EPHA10: variants seen among roughly 807,000 people sequenced by gnomAD.
EPHA10 encodes ephrin type-A receptor 10.
A neutral mutation model predicts 109.7 loss-of-function variants in EPHA10; 120 were observed. The observed-to-expected ratio is 1.09, with a 90% CI of 0.94 to 1.27. The LOEUF (loss-of-function observed/expected upper bound fraction) is 1.27, where lower values mean the gene tolerates loss of function less well. Among genes scored for constraint, EPHA10 ranks in the 50% most tolerant of loss-of-function variants. EPHA10 has a pLI of 0.00. For synonymous variants in EPHA10, 640 were observed against 618.9 expected (o/e 1.03, Z -0.51); for missense variants, 1,396 against 1,411.1 (o/e 0.99, Z 0.17).
chr1:37,762,136 G>C, intron 2 of EPHA10, 53 bp from the exon 3 acceptor site: 1 of 1,505,020 alleles, frequency 6.6e-7, no homozygotes, highest in Non-Finnish European at 8.9e-7. Context: ...GCTTCCAGGA[G>C]GTGGAGCGCT....
intron 3 of EPHA10, chr1:37,761,089 T>TTA: frequency 1.1e-6 from 1 of 912,532 alleles, no homozygotes; most frequent in Non-Finnish European, 1.4e-6. Flanking sequence ...CTCCTTATTT[T>TTA]AAAAAAAAAA....
intron 3 of EPHA10, among the ~76,000 whole-genome samples, chr1:37,755,019 C>T (rs1198340771): frequency 1.2e-4 from 19 of 152,164 alleles, no homozygotes; most frequent in African/African-American, 3.4e-4. Flanking sequence ...AGGCTGGTCT[C>T]GAACTCCTGG....
intron 10 of EPHA10, chr1:37,722,746 C>A (rs919407202): frequency 1.9e-6 from 1 of 515,638 alleles, no homozygotes; most frequent in African/African-American, 1.9e-5. Context: ...AAGGCCCCTC[C>A]CCACTGCCCC....
In EPHA10 at chr1:37,754,353, A is replaced by G. The variant is rs1386131313; in HGVS notation, c.868T>C (p.Tyr290His). The G allele has an allele frequency of 2.3e-6, 3 of 1,304,390 alleles. No homozygotes were observed. Among genetic ancestry groups the G allele is most frequent in the Non-Finnish European group, 2.9e-6 (3 of 1,020,620 alleles). The allele number at this position is 1,304,390 out of a possible 1,614,324, so 80.8% of individuals were successfully genotyped here. Reference protein sequence around the residue: ...DFCEACPPGFYKVSPRRPLCS... With the variant: ...DFCEACPPGFHKVSPRRPLCS... ...AGGGGCCGCCGCGGGGACACCTTGT[A>G]AAACCCTGGGGGACAGGCTGCAGGG... Residue 290 changes from tyrosine (Y) to histidine (H), a missense_variant, in exon 4 of 17, where the codon TAC (tyrosine) becomes CAC (histidine). By Grantham distance (83) the Tyr-to-His change is moderately conservative. Coordinates refer to ENST00000373048, the MANE Select transcript of EPHA10 (RefSeq NM_001099439.2). This position sits in a 1 kb window ranked among gnomAD's most constrained non-coding sequence, Gnocchi z 4.5.
chr1:37,720,116 AC>A (rs1159963027), intron 13 of EPHA10, 58 bp from the exon 14 acceptor site: 3 of 1,596,336 alleles, frequency 1.9e-6, no homozygotes, highest in Non-Finnish European at 2.6e-6. Context: ...AGGTTTCCCC[AC>A]CCCACTGAGC....
chr1:37,749,900 A>C (rs1646297256), intron 5 of EPHA10, among the ~76,000 whole-genome samples: 1 of 152,200 alleles, frequency 6.6e-6, no homozygotes, highest in South Asian at 2.1e-4. Flanking sequence ...ACTGTACTGA[A>C]TACTACAGGC....
intron 10 of EPHA10, chr1:37,722,328 G>A (rs773125104): frequency 3.5e-5 from 8 of 226,244 alleles, no homozygotes; most frequent in Admixed American, 1.0e-4. Context: ...ATGCCAGCAC[G>A]CCGACTGCCA....
rs777640555 is a variant in EPHA10, at chr1:37,731,502, G to A, written c.1572C>T (p.Arg524=). 22 of 1,614,146 alleles carry A rather than the reference G, an allele frequency of 1.4e-5. No homozygotes were observed. Among genetic ancestry groups the A allele is most frequent in the Non-Finnish European group, 1.9e-5 (22 of 1,180,012 alleles). ...VTVTNLKPAT[R]YVFQIRAASP... is the part of the protein sequence containing the mutation. The stretch of plus-strand genomic sequence containing the variant: ...AAGCGGCCCGGATCTGAAAGACGTA[G>A]CGGGTAGCCGGCTTCAGGTTGGTGA... Residue 524 remains arginine, a synonymous_variant, in exon 7 of 17, where the codon CGC becomes CGT. Coordinates refer to ENST00000373048, the MANE Select transcript of EPHA10 (RefSeq NM_001099439.2).
At chr1:37,760,327 A>T in intron 3 of EPHA10, 1 of 1,046,440 alleles carries the variant, frequency 9.6e-7, no homozygotes, top group Non-Finnish European at 1.2e-6. Context: ...TAATAACCCC[A>T]TCATCACCCT....
chr1:37,719,937 C>T lies in EPHA10; in HGVS notation c.2534G>A (p.Arg845Gln), dbSNP rs777738447. ...IMWEVMAFGERPYWDMSGQDV... is the reference protein window; with the variant it reads ...IMWEVMAFGEQPYWDMSGQDV... ...TTGGCCAGACATGTCCCAGTAAGGC[C>T]GCTCCCCAAAGGCCATCACCTCCCA... The change falls in exon 14 of 17, where the codon CGG (arginine) becomes CAG (glutamine). Residue 845 changes from arginine (R) to glutamine (Q), a missense_variant. Coordinates refer to ENST00000373048, the MANE Select transcript of EPHA10 (RefSeq NM_001099439.2). The T allele has an allele frequency of 1.2e-5, 20 of 1,613,936 alleles. No homozygotes were observed. Among genetic ancestry groups the T allele is most frequent in the African/African-American group, 2.7e-5 (2 of 74,914 alleles).
chr1:37,718,322 T>TCC lies in EPHA10; in HGVS notation c.*49_*50insGG. 6.7e-7 allele frequency: 1 copy of TCC among 1,486,454 alleles called. No individual in the cohort carries two copies. Among genetic ancestry groups the TCC allele is most frequent in the Non-Finnish European group, 9.2e-7 (1 of 1,087,670 alleles). 92.1% of individuals were successfully genotyped at this position (1,486,454 alleles called of 1,614,324 possible). The stretch of plus-strand genomic sequence containing the variant: ...GCTTGCCACGGTCCTTGGGCAGGGC[T>TCC]GGGGGACTGGACCCCCACCGGAGTC... On this transcript the variant is annotated 3_prime_UTR_variant, in exon 17 of 17. Transcript: ENST00000373048.
intron 6 of EPHA10, 136 bp downstream of exon 6, chr1:37,735,121 G>T: frequency 1.7e-6 from 2 of 1,173,152 alleles, no homozygotes; most frequent in Non-Finnish European, 2.4e-6. Context: ...CTCGAGCCTG[G>T]GGCCCCTAGG....
chr1:37,723,658 G>A (rs1645840525), intron 8 of EPHA10, among the ~76,000 whole-genome samples: 1 of 152,218 alleles, frequency 6.6e-6, no homozygotes, highest in Non-Finnish European at 1.5e-5. Context: ...TCCACATCCT[G>A]GCTGCAGGCC....
intron 5 of EPHA10, among the ~76,000 whole-genome samples, chr1:37,749,542 G>T (rs1382837293): frequency 6.6e-6 from 1 of 151,828 alleles, no homozygotes; most frequent in Non-Finnish European, 1.5e-5. Flanking sequence ...TTGTGGTGGT[G>T]TGTGCCTGTA....
downstream of EPHA10, chr1:37,713,951 T>C (rs1227056500): frequency 6.6e-6 from 1 of 152,222 alleles, no homozygotes; most frequent in Non-Finnish European, 1.5e-5. Context: ...GGGATGCATC[T>C]TTCAGTTGGA....
chr1:37,759,790 A>G (rs1289890206), intron 3 of EPHA10, among the ~76,000 whole-genome samples: 3 of 114,126 alleles, frequency 2.6e-5, no homozygotes, highest in Non-Finnish European at 3.9e-5. Context: ...ACAAACCCCC[A>G]TTTCTAAAAA....
downstream of EPHA10, among the ~76,000 whole-genome samples, chr1:37,715,435 ACGTCT>A (rs1320418170): frequency 6.6e-6 from 1 of 152,000 alleles, no homozygotes; most frequent in East Asian, 1.9e-4. Context: ...CCCAACACTG[ACGTCT>A]CCCCTCTCCT....
In EPHA10 at chr1:37,733,429, G is replaced by A. The variant is rs567760237; in HGVS notation, c.1491+1828C>T. Among the ~76,000 whole-genome samples, 174 of 152,264 alleles carry A rather than the reference G, an allele frequency of 1.1e-3. 1 individual carries two copies. Among genetic ancestry groups the A allele is most frequent in the Non-Finnish European group, 5.3e-4 (36 of 68,026 alleles). ...GGTGGCGGTCTCACTTTGTTGCCCA[G>A]GCTGGTCTTGAACTCCTGGCCTCAA... On this transcript the variant is annotated intron_variant, in intron 6 of 16. Transcript: ENST00000373048.
At position 37,761,614 on chromosome 1, in the gene EPHA10, G is replaced by A; in HGVS notation, c.641C>T (p.Thr214Ile). The change falls in exon 3 of 17, where the codon ACC becomes ATC. Residue 214 changes from threonine (T) to isoleucine (I), a missense_variant. Coordinates refer to ENST00000373048, the MANE Select transcript of EPHA10 (RefSeq NM_001099439.2). ...VRVYYKQCRATVRGLATFPAT... is the reference protein window; with the variant it reads ...VRVYYKQCRAIVRGLATFPAT... ...TGGGAACGTGGCCAGGCCCCGCACG[G>A]TGGCGCGGCACTGCTTGTAGTAGAC... is the stretch of plus-strand genomic sequence containing the variant. 1 of 1,603,458 alleles carries A rather than the reference G, an allele frequency of 6.2e-7. No homozygotes were observed.
Sources: gnomAD v4.1 joint callset for allele counts (sites outside exome capture counted in the v4.1 genomes callset) on GRCh38, gnomAD v4.1.1 for gene constraint, Gnocchi (gnomAD v3.1) non-coding constraint, MANE v1.5 for transcripts, NCBI Gene and HGNC (gene_info 2026-07-23, HGNC 2026-07-21) for gene names.